The following WDR17 variants were observed in gnomAD, a reference collection of about 807,000 sequenced individuals.
WDR17 encodes the protein WD repeat-containing protein 17.
A neutral mutation model predicts 161.7 loss-of-function variants in WDR17; 143 were observed. The ratio of observed to expected loss-of-function variants is 0.88; its 90% confidence interval spans 0.77 to 1.02. The LOEUF is 1.02. Among genes scored for constraint, WDR17 ranks in the 50% least tolerant of loss-of-function variants. The pLI, the probability that WDR17 is intolerant of heterozygous loss-of-function variation, is 0.00. For synonymous variants in WDR17, 517 were observed against 515.6 expected (o/e 1.00, Z -0.04); for missense variants, 1,469 against 1,520.9 (o/e 0.97, Z 0.57).
At position 176,142,052 on chromosome 4, in the gene WDR17, T is replaced by C. The variant is rs1323711455; in HGVS notation, c.1512T>C (p.Asp504=). 7 of 1,610,706 alleles carry C rather than the reference T, an allele frequency of 4.3e-6. No homozygotes were observed. Among genetic ancestry groups the C allele is most frequent in the Non-Finnish European group, 5.9e-6 (7 of 1,178,230 alleles). The change falls in exon 11 of 29, where the codon GAT becomes GAC. Residue 504 remains aspartate, a synonymous_variant. Transcript: ENST00000508596. ...ATCCAGCTGCAGTGTTTGGTTGTGA[T>C]TGGAGCCAAAACAATAAGTAAGTGG... ...YKHPAAVFGC[D]WSQNNKDMIA... is the part of the protein sequence containing the mutation.
At chr4:176,106,460 C>A (rs923973368) in intron 1 of WDR17, among the ~76,000 whole-genome samples, 2 of 151,866 alleles carry the variant, frequency 1.3e-5, no homozygotes, top group African/African-American at 4.8e-5. Flanking sequence ...TACCTAACAC[C>A]ATATAAAAAA....
At chr4:176,173,422 G>A (rs1751025933) in intron 25 of WDR17, 53 bp downstream of exon 25, 3 of 1,241,902 alleles carry the variant, frequency 2.4e-6, no homozygotes, top group Non-Finnish European at 1.2e-6. Context: ...TAATTTTAAA[G>A]TGGCTCCATT....
intron 9 of WDR17, 82 bp from the exon 10 acceptor site, chr4:176,139,810 G>T: frequency 8.7e-7 from 1 of 1,155,960 alleles, no homozygotes. Flanking sequence ...TAACAGAAAA[G>T]TAATACTTAG....
At position 176,148,345 on chromosome 4, in the gene WDR17, C is replaced by G; in HGVS notation, c.1897+10C>G. ...GGTGCAGATGTATATGGTAGAGTGT[C>G]TTTCATTCTTTCATGTATTTGTTAT... On this transcript the variant is annotated intron_variant, in intron 13 of 28. Coordinates refer to ENST00000508596, the MANE Select transcript of WDR17 (RefSeq NM_181265.4). The G allele has an allele frequency of 3.1e-6, 5 of 1,604,916 alleles. No individual in the cohort carries two copies. The highest frequency in any genetic ancestry group is 4.3e-6 in the Non-Finnish European group (5 of 1,172,974).
At chr4:176,070,642 C>T (rs6853269) in intron 1 of WDR17, among the ~76,000 whole-genome samples, 146,053 of 152,004 alleles carry the variant, frequency 0.96, 70,433 homozygotes, top group East Asian at 1. Flanking sequence ...GCCTTCTGAG[C>T]AGCTGGGACT....
chr4:176,152,454 A>T (rs564900159), intron 17 of WDR17, among the ~76,000 whole-genome samples: 5 of 151,562 alleles, frequency 3.3e-5, no homozygotes, highest in Non-Finnish European at 7.4e-5. Context: ...AAACAAAAAC[A>T]AAACTAGCCA....
Position 176,174,635 on chromosome 4 carries a change from G to A in WDR17, c.3366G>A (p.Leu1122=). ...HTCTEARNEL[L]ILCGYIGALL... ...CTTTTAGAGCTCGAAATGAGTTGCT[G>A]ATATTATGTGGTTACATTGGTGCAT... Residue 1122 remains leucine, a synonymous_variant, in exon 26 of 29, where the codon CTG becomes CTA. Transcript: ENST00000508596. 1 of 1,609,130 alleles carries A rather than the reference G, an allele frequency of 6.2e-7. No homozygotes were observed. The highest frequency in any genetic ancestry group is 8.5e-7 in the Non-Finnish European group (1 of 1,177,428).
chr4:176,151,809 C>T lies in WDR17; in HGVS notation c.2305-3C>T, dbSNP rs752233491. ...TTAAATTCTATTTTCTTTTTAAAAC[C>T]AGTCTGAAGCTCAAGAACTAACAAC... is the stretch of plus-strand genomic sequence containing the variant. On this transcript the variant is annotated splice_region_variant and splice_polypyrimidine_tract_variant and intron_variant, in intron 16 of 28. Transcript: ENST00000508596. The T allele has an allele frequency of 6.5e-7, 1 of 1,544,656 alleles. No individual in the cohort carries two copies. Among genetic ancestry groups the T allele is most frequent in the Non-Finnish European group, 8.7e-7 (1 of 1,150,862 alleles).
chr4:176,151,420 G>C (rs1747095573), intron 16 of WDR17, among the ~76,000 whole-genome samples: 1 of 151,906 alleles, frequency 6.6e-6, no homozygotes, highest in African/African-American at 2.4e-5. Flanking sequence ...AAAATATTAT[G>C]TTTAGAAACG....
chr4:176,070,747 C>T (rs886472758), intron 1 of WDR17, among the ~76,000 whole-genome samples: 1 of 152,036 alleles, frequency 6.6e-6, no homozygotes, highest in African/African-American at 2.4e-5. Context: ...TCTGGAACTC[C>T]TGGGCTCAAG....
intron 2 of WDR17, among the ~76,000 whole-genome samples, chr4:176,114,937 G>C (rs1026924595): frequency 1.3e-5 from 2 of 151,764 alleles, no homozygotes; most frequent in Non-Finnish European, 2.9e-5. Context: ...GAAACAAGAA[G>C]TTCAGAGTGA....
chr4:176,163,543 T>TA (rs1199874557), intron 22 of WDR17, among the ~76,000 whole-genome samples: 1 of 152,170 alleles, frequency 6.6e-6, no homozygotes, highest in African/African-American at 2.4e-5. Flanking sequence ...TTCAAGCACT[T>TA]AAAGTATCAT....
chr4:176,128,902 T>C (rs1742917003), intron 6 of WDR17, 42 bp downstream of exon 6: 4 of 1,462,740 alleles, frequency 2.7e-6, no homozygotes, highest in African/African-American at 2.9e-5. Context: ...TTAAAAAATA[T>C]TGTGTTTTCT....
At chr4:176,174,016 A>T (rs1314623413) in intron 25 of WDR17, among the ~76,000 whole-genome samples, 1 of 151,894 alleles carries the variant, frequency 6.6e-6, no homozygotes, top group Non-Finnish European at 1.5e-5. Context: ...TTAATTATCC[A>T]TTGTATGCAA....
intron 2 of WDR17, among the ~76,000 whole-genome samples, chr4:176,115,392 G>A (rs113352572): frequency 4.7e-4 from 72 of 152,076 alleles, no homozygotes; most frequent in Non-Finnish European, 9.3e-4. Flanking sequence ...ATAATGAGCA[G>A]TTGGTGTATT....
At position 176,111,707 on chromosome 4, in the gene WDR17, AAAT is replaced by A. The variant is rs755956320; in HGVS notation, c.123+11_123+13del. On this transcript the variant is annotated splice_donor_5th_base_variant and intron_variant, in intron 2 of 28. Coordinates refer to ENST00000508596, the MANE Select transcript of WDR17 (RefSeq NM_181265.4). Reference sequence around the variant, plus strand: ...CCTGGCTATCTATATTTATCAGGTAAAATAATAATTCTTTTCCATTTTTAATTA... The same window carrying A: ...CCTGGCTATCTATATTTATCAGGTAAAATAATTCTTTTCCATTTTTAATTA... 10 of 1,561,192 alleles carry A rather than the reference AAAT, an allele frequency of 6.4e-6. No individual in the cohort carries two copies. In the African/African-American group the frequency reaches 1.1e-4, roughly 17 times the overall value.
intron 20 of WDR17, 89 bp from the exon 21 acceptor site, chr4:176,161,986 T>C: frequency 9.2e-7 from 1 of 1,092,184 alleles, no homozygotes; most frequent in Non-Finnish European, 1.3e-6. Flanking sequence ...TTTTATTTGG[T>C]CTTTTTATCA....
chr4:176,168,580 A>G, intron 22 of WDR17, 92 bp from the exon 23 acceptor site: 3 of 1,442,000 alleles, frequency 2.1e-6, no homozygotes, highest in South Asian at 1.3e-5. Flanking sequence ...CAAGAGTGGT[A>G]TATTATATGA....
chr4:176,084,799 A>G (rs980954524), intron 1 of WDR17, among the ~76,000 whole-genome samples: 29 of 147,682 alleles, frequency 2.0e-4, no homozygotes, highest in African/African-American at 7.1e-4. Flanking sequence ...ATATATATAT[A>G]TATACACACA....
Sources: allele counts gnomAD v4.1 joint callset (sites outside exome capture counted in the v4.1 genomes callset), GRCh38; gene constraint gnomAD v4.1.1; transcripts MANE v1.5; gene names NCBI Gene and HGNC (gene_info 2026-07-23, HGNC 2026-07-21).